Variants in STIM1 observed in about 807,000 individuals in gnomAD.
STIM1 encodes stromal interaction molecule 1.
Under a neutral mutation model 74.7 loss-of-function variants are expected in STIM1, and 25 were observed. The ratio of observed to expected loss-of-function variants is 0.33; its 90% confidence interval spans 0.24 to 0.47. The LOEUF is 0.47. Ranked by LOEUF, STIM1 falls within the 20% of genes least tolerant of loss-of-function variation. STIM1 has a pLI of 1.00. For missense variants in STIM1, 728 were observed against 920.8 expected, an observed-to-expected ratio of 0.79 and a Z score of 2.71; for synonymous variants, 328 against 348.8, an observed-to-expected ratio of 0.94 and a Z score of 0.66.
rs115647049 is a variant in STIM1, at chr11:4,064,203, T to G, written c.613+4807T>G. ...CTACTGATGCTTGTCAAAGGAAATA[T>G]TTGAAAATCGCCGGCTGGAATCTGA... On this transcript the variant is annotated intron_variant, in intron 5 of 12. Coordinates refer to ENST00000526596, the MANE Select transcript of STIM1 (RefSeq NM_001382567.1). Among the ~76,000 whole-genome samples, 1,041 of 152,260 alleles carry G rather than the reference T, an allele frequency of 6.8e-3. 16 individuals carry two copies. The highest frequency in any genetic ancestry group is 0.024 in the African/African-American group (995 of 41,526).
intron 1 of STIM1, among the ~76,000 whole-genome samples, chr11:3,917,292 T>A (rs2092658751): frequency 6.6e-6 from 1 of 152,120 alleles, no homozygotes; most frequent in Admixed American, 6.5e-5. Context: ...CTGAGAACTG[T>A]GCAAAAACAG....
At chr11:3,954,474 A>G (rs944154655) in intron 1 of STIM1, among the ~76,000 whole-genome samples, 4 of 152,224 alleles carry the variant, frequency 2.6e-5, no homozygotes, top group Non-Finnish European at 4.4e-5. Flanking sequence ...GGAGCTTTCA[A>G]TTTAGTGGAG....
intron 1 of STIM1, among the ~76,000 whole-genome samples, chr11:3,858,259 T>TTC (rs2090462905): frequency 6.6e-6 from 1 of 151,686 alleles, no homozygotes; most frequent in Non-Finnish European, 1.5e-5. Context: ...TTTTTGTTTT[T>TTC]CGCCTGAAGT....
intron 1 of STIM1, among the ~76,000 whole-genome samples, chr11:3,939,608 C>T (rs2092979848): frequency 6.6e-6 from 1 of 152,064 alleles, no homozygotes; most frequent in African/African-American, 2.4e-5. Context: ...CAAGAAAGTA[C>T]TTATTAAGTC....
rs200385967 is a variant in STIM1 at position 4,082,362 on chromosome 11, C to G, written c.1137+11C>G. On this transcript the variant is annotated intron_variant, in intron 8 of 12. Transcript: ENST00000526596. ...GTGGCCAAGGAGGGGGTGAGAACAG[C>G]CCTTCTATTGTCCTCTTTTCTCCTT... 2.6e-5 allele frequency: 42 copies of G among 1,604,490 alleles called. No homozygotes were observed. Among genetic ancestry groups the G allele is most frequent in the Non-Finnish European group, 3.5e-5 (41 of 1,175,924 alleles).
At chr11:3,859,997 G>C (rs2090536508) in intron 1 of STIM1, among the ~76,000 whole-genome samples, 1 of 152,232 alleles carries the variant, frequency 6.6e-6, no homozygotes, top group South Asian at 2.1e-4. Context: ...CTCTGGGCTA[G>C]GTCATATGTT....
Position 4,068,008 on chromosome 11 carries a change from C to T in STIM1, c.614-2018C>T, listed in dbSNP as rs573300119. 1.2e-4 allele frequency among the ~76,000 whole-genome samples: 18 copies of T among 152,228 alleles called. No homozygotes were observed. In the South Asian group the frequency reaches 1.2e-3, roughly 11 times the overall value. On this transcript the variant is annotated intron_variant, in intron 5 of 12. Coordinates refer to ENST00000526596, the MANE Select transcript of STIM1 (RefSeq NM_001382567.1). ...TCATGGATGTGGCAGGTAGTATTTC[C>T]GGACTTTATCTATACATTTGACAAG...
intron 2 of STIM1, among the ~76,000 whole-genome samples, chr11:3,985,445 G>A (rs1301451284): frequency 5.3e-5 from 8 of 152,136 alleles, no homozygotes; most frequent in Admixed American, 5.2e-4. Context: ...GGGAGAAGAG[G>A]AACACTGAGC....
chr11:4,089,079 T>C, intron 12 of STIM1: 1 of 286,848 alleles, frequency 3.5e-6, no homozygotes. Flanking sequence ...AAAAAAAAAA[T>C]CAAAAATTTA....
At chr11:3,949,042 A>G (rs139513675) in intron 1 of STIM1, among the ~76,000 whole-genome samples, 9 of 152,328 alleles carry the variant, frequency 5.9e-5, no homozygotes, top group African/African-American at 1.9e-4. Flanking sequence ...TATGAGGTGG[A>G]TACTGTTTTC....
chr11:4,090,109 A>C (rs1291586249), intron 12 of STIM1, among the ~76,000 whole-genome samples: 1 of 152,134 alleles, frequency 6.6e-6, no homozygotes, highest in African/African-American at 2.4e-5. Context: ...CTTGCAAAGA[A>C]GCCTCTTGCG....
At chr11:4,085,140 T>TC (rs1242291853) in intron 11 of STIM1, among the ~76,000 whole-genome samples, 2 of 149,474 alleles carry the variant, frequency 1.3e-5, no homozygotes, top group African/African-American at 5.0e-5. Context: ...TTCTCCCCCT[T>TC]CCCCCCCCTA....
At chr11:3,946,055 C>T (rs2093068838) in intron 1 of STIM1, among the ~76,000 whole-genome samples, 1 of 152,146 alleles carries the variant, frequency 6.6e-6, no homozygotes, top group Admixed American at 6.5e-5. Flanking sequence ...CACCAGGCTC[C>T]ACCTCCGGCA....
chr11:3,879,175 C>T (rs769834522), intron 1 of STIM1, among the ~76,000 whole-genome samples: 17 of 152,190 alleles, frequency 1.1e-4, no homozygotes, highest in Middle Eastern at 3.4e-3. Flanking sequence ...AGGCTGGTCT[C>T]GAACTCCTGA....
intron 2 of STIM1, among the ~76,000 whole-genome samples, chr11:3,978,387 A>G (rs1156430210): frequency 1.5e-4 from 23 of 148,520 alleles, no homozygotes; most frequent in Admixed American, 1.5e-3. Context: ...ACCTCAGGTG[A>G]TCTGCCCGCC....
chr11:3,985,598 A>G (rs1219581125), intron 2 of STIM1, among the ~76,000 whole-genome samples: 1 of 152,230 alleles, frequency 6.6e-6, no homozygotes, highest in Non-Finnish European at 1.5e-5. Flanking sequence ...CAGCCCAAAG[A>G]TGCTGTCAGT....
At chr11:3,983,239 C>T (rs1041812380) in intron 2 of STIM1, among the ~76,000 whole-genome samples, 3 of 152,168 alleles carry the variant, frequency 2.0e-5, no homozygotes, top group African/African-American at 7.2e-5. Context: ...CTGCCTCTAT[C>T]TCCATTTCCC....
intron 1 of STIM1, among the ~76,000 whole-genome samples, chr11:3,937,228 T>C (rs980424444): frequency 2.6e-5 from 4 of 151,494 alleles, no homozygotes; most frequent in African/African-American, 4.9e-5. Flanking sequence ...GAGGCAGAAG[T>C]TGCAGTGAGC....
At chr11:3,928,609 G>A (rs756361336) in intron 1 of STIM1, among the ~76,000 whole-genome samples, 4 of 151,972 alleles carry the variant, frequency 2.6e-5, no homozygotes, top group Non-Finnish European at 5.9e-5. Context: ...GTGTGTGTGC[G>A]CGTGTGTGCA....
Sources: gnomAD v4.1 joint callset for allele counts (sites outside exome capture counted in the v4.1 genomes callset) on GRCh38, gnomAD v4.1.1 for gene constraint, MANE v1.5 for transcripts, NCBI Gene and HGNC (gene_info 2026-07-23, HGNC 2026-07-21) for gene names.